ATXN1: variants seen among roughly 807,000 people sequenced by gnomAD.
ATXN1 encodes the protein ataxin 1, also known as ataxin-1.
Under a neutral mutation model 56.4 loss-of-function variants are expected in ATXN1, and 8 were observed. That is an observed-to-expected ratio of 0.14 (90% CI 0.08 to 0.26). The LOEUF (loss-of-function observed/expected upper bound fraction) is 0.26. Ranked by LOEUF, ATXN1 falls within the 10% of genes least tolerant of loss-of-function variation. The pLI, the probability that ATXN1 is intolerant of heterozygous loss-of-function variation, is 1.00. For missense variants in ATXN1, 987 were observed against 1,106.5 expected (o/e 0.89, Z 1.53); for synonymous variants, 514 against 494.6 (o/e 1.04, Z -0.52).
At chr6:16,631,407 C>T (rs533761945) in intron 3 of ATXN1, among the ~76,000 whole-genome samples, 2 of 152,358 alleles carry the variant, frequency 1.3e-5, no homozygotes, top group South Asian at 4.1e-4. Context: ...CTTTCACTCA[C>T]TGACACCTAT....
chr6:16,397,785 T>C (rs1445955339), intron 6 of ATXN1, among the ~76,000 whole-genome samples: 3 of 152,218 alleles, frequency 2.0e-5, no homozygotes, highest in African/African-American at 7.2e-5. Flanking sequence ...AGAAATGTAA[T>C]TGTATGTGTG....
intron 5 of ATXN1, among the ~76,000 whole-genome samples, chr6:16,493,142 T>A (rs1254008975): frequency 6.6e-6 from 1 of 152,336 alleles, no homozygotes; most frequent in Middle Eastern, 3.4e-3. Context: ...AAAGTAGATA[T>A]AACACAACTT....
At chr6:16,658,103 GA>G (rs1758243347) in intron 2 of ATXN1, among the ~76,000 whole-genome samples, 2 of 151,968 alleles carry the variant, frequency 1.3e-5, no homozygotes, top group South Asian at 2.1e-4. Context: ...GTGTGGGAAG[GA>G]AGAAAGAAAG....
intron 3 of ATXN1, among the ~76,000 whole-genome samples, chr6:16,640,659 G>A (rs1763692278): frequency 6.6e-6 from 1 of 151,722 alleles, no homozygotes; most frequent in East Asian, 1.9e-4. Context: ...CTCAAGCCTG[G>A]GTGACAGAGC....
At chr6:16,594,095 A>C (rs915451154) in intron 3 of ATXN1, among the ~76,000 whole-genome samples, 1 of 149,478 alleles carries the variant, frequency 6.7e-6, no homozygotes, top group African/African-American at 2.4e-5. Flanking sequence ...CTACAGGGAT[A>C]GAAGCTAATA....
intron 6 of ATXN1, among the ~76,000 whole-genome samples, chr6:16,384,847 T>C (rs1293594456): frequency 6.6e-6 from 1 of 152,200 alleles, no homozygotes; most frequent in African/African-American, 2.4e-5. Context: ...CAATTAAACC[T>C]CTTTTCTTTA....
intron 6 of ATXN1, among the ~76,000 whole-genome samples, chr6:16,426,875 GAAA>G (rs147467180): frequency 7.4e-6 from 1 of 134,714 alleles, no homozygotes; most frequent in Non-Finnish European, 1.6e-5. Flanking sequence ...CTGGGGGAAA[GAAA>G]AAAAAAAAAA....
At chr6:16,616,947 T>G (rs1763224080) in intron 3 of ATXN1, among the ~76,000 whole-genome samples, 3 of 151,760 alleles carry the variant, frequency 2.0e-5, no homozygotes, top group Admixed American at 2.0e-4. Flanking sequence ...TAGTATATTT[T>G]TATATAAGTA....
intron 6 of ATXN1, among the ~76,000 whole-genome samples, chr6:16,472,879 CA>C (rs1333477116): frequency 6.6e-6 from 1 of 152,182 alleles, no homozygotes; most frequent in Non-Finnish European, 1.5e-5. Context: ...CAGAGCACTC[CA>C]ATCAGTCAGT....
At chr6:16,688,905 G>A (rs925064143) in intron 2 of ATXN1, among the ~76,000 whole-genome samples, 2 of 152,130 alleles carry the variant, frequency 1.3e-5, no homozygotes, top group Non-Finnish European at 2.9e-5. Flanking sequence ...CTGAAAAAAA[G>A]CATGGAAATA....
intron 6 of ATXN1, among the ~76,000 whole-genome samples, chr6:16,380,680 A>T (rs773294027): frequency 6.6e-6 from 1 of 152,036 alleles, no homozygotes; most frequent in Non-Finnish European, 1.5e-5. Flanking sequence ...CTCTTAGGGG[A>T]GTGTGAGATT....
intron 1 of ATXN1, among the ~76,000 whole-genome samples, chr6:16,759,536 T>TTC (rs1163385908): frequency 4.9e-5 from 7 of 141,914 alleles, no homozygotes; most frequent in African/African-American, 1.9e-4. Flanking sequence ...GACTGTTTTT[T>TTC]TTTTTTTTTT....
chr6:16,586,162 C>T (rs1762620755), intron 3 of ATXN1, among the ~76,000 whole-genome samples: 1 of 152,068 alleles, frequency 6.6e-6, no homozygotes, highest in Non-Finnish European at 1.5e-5. Flanking sequence ...GGGTTGCTTC[C>T]CACCCCATCT....
At chr6:16,592,154 C>G (rs895025447) in intron 3 of ATXN1, among the ~76,000 whole-genome samples, 1 of 152,094 alleles carries the variant, frequency 6.6e-6, no homozygotes, top group Non-Finnish European at 1.5e-5. Context: ...GAATAAGCGA[C>G]GACTCCCGGG....
chr6:16,624,527 C>T (rs545485009), intron 3 of ATXN1, among the ~76,000 whole-genome samples: 8 of 151,988 alleles, frequency 5.3e-5, no homozygotes, highest in South Asian at 2.1e-4. Flanking sequence ...GCAAAAGTGG[C>T]GGTGTTTTGT....
intron 2 of ATXN1, among the ~76,000 whole-genome samples, chr6:16,724,590 C>G (rs891840556): frequency 1.3e-5 from 2 of 152,272 alleles, no homozygotes; most frequent in East Asian, 3.9e-4. Flanking sequence ...AAACTTTCTA[C>G]GGGACAACCA....
intron 2 of ATXN1, among the ~76,000 whole-genome samples, chr6:16,742,913 C>G (rs997244827): frequency 1.3e-5 from 2 of 152,210 alleles, no homozygotes; most frequent in South Asian, 4.1e-4. Context: ...GAACTACTCT[C>G]TTCCAGATAA....
At chr6:16,595,890 G>C (rs888006288) in intron 3 of ATXN1, among the ~76,000 whole-genome samples, 1 of 152,180 alleles carries the variant, frequency 6.6e-6, no homozygotes, top group Non-Finnish European at 1.5e-5. Context: ...TAATCACAGT[G>C]GTGGTGCCTT....
chr6:16,393,056 G>A (rs1327463300), intron 6 of ATXN1, among the ~76,000 whole-genome samples: 2 of 152,152 alleles, frequency 1.3e-5, no homozygotes, highest in Non-Finnish European at 2.9e-5. Flanking sequence ...GAAGTTTCAA[G>A]ACCTTCAGAC....
Sources: gnomAD v4.1 joint callset for allele counts (sites outside exome capture counted in the v4.1 genomes callset) on GRCh38, gnomAD v4.1.1 for gene constraint, MANE v1.5 for transcripts, NCBI Gene and HGNC (gene_info 2026-07-23, HGNC 2026-07-21) for gene names.